The following MECR variants were observed in gnomAD, a reference collection of about 807,000 sequenced individuals.
MECR encodes the protein mitochondrial trans-2-enoyl-CoA reductase.
In MECR, 37 loss-of-function variants were observed where a neutral mutation model predicts 49.1. That is an observed-to-expected ratio of 0.75 (90% CI 0.58 to 0.99). The LOEUF is 0.99. MECR is among the 50% of genes least tolerant of loss of function. The pLI is 0.00. For missense variants in MECR, 470 were observed against 479.6 expected, an observed-to-expected ratio of 0.98 and a Z score of 0.19; for synonymous variants, 198 against 191.1, an observed-to-expected ratio of 1.04 and a Z score of -0.30.
rs747452595 is a variant in MECR at position 29,202,094 on chromosome 1, C to T, written c.654-49G>A. 4 of 1,504,990 alleles carry T rather than the reference C, an allele frequency of 2.7e-6. No homozygotes were observed. The East Asian group carries it at 9.0e-5, about 34-fold the overall frequency. 93.2% of individuals were successfully genotyped at this position (1,504,990 alleles called of 1,614,324 possible). ...GGTCACATCTGCCAGCTTTTTCCAC[C>T]AAAGCCCCCCAGGACCTCTCTGCCA... On this transcript the variant is annotated intron_variant, in intron 5 of 9. Transcript: ENST00000263702.
At chr1:29,215,825 C>T (rs1482954550) in intron 3 of MECR, among the ~76,000 whole-genome samples, 180 bp downstream of exon 3, 5 of 152,060 alleles carry the variant, frequency 3.3e-5, no homozygotes, top group African/African-American at 4.8e-5. Flanking sequence ...GAGCTGAGAT[C>T]GCGCCATTGC....
intron 4 of MECR, among the ~76,000 whole-genome samples, chr1:29,205,432 C>G (rs1676337966): frequency 6.6e-6 from 1 of 151,730 alleles, no homozygotes; most frequent in Admixed American, 6.6e-5. Flanking sequence ...GATCTGCCAG[C>G]TTCAGCCTCC....
intron 1 of MECR, among the ~76,000 whole-genome samples, chr1:29,228,337 T>C (rs1447403300): frequency 5.4e-5 from 8 of 148,836 alleles, no homozygotes; most frequent in Admixed American, 4.8e-4. Context: ...TTGAATATAA[T>C]GCTTTGTGGA....
intron 3 of MECR, among the ~76,000 whole-genome samples, chr1:29,211,175 C>T (rs1344536785): frequency 3.3e-5 from 5 of 151,088 alleles, no homozygotes; most frequent in African/African-American, 7.3e-5. Context: ...TTCCTGGTCT[C>T]GAGCTATCCT....
the MECR span, among the ~76,000 whole-genome samples, chr1:29,180,283 T>G: frequency 6.6e-6 from 1 of 152,162 alleles, no homozygotes; most frequent in Non-Finnish European, 1.5e-5. Flanking sequence ...ACATATATGG[T>G]ATGTATACAA....
the MECR span, chr1:29,170,114 ATC>A: frequency 6.6e-6 from 1 of 152,220 alleles, no homozygotes; most frequent in Non-Finnish European, 1.5e-5. Flanking sequence ...AGATACAATC[ATC>A]TGTGTCCATT....
At chr1:29,215,646 G>A (rs571639534) in intron 3 of MECR, among the ~76,000 whole-genome samples, 4 of 152,002 alleles carry the variant, frequency 2.6e-5, no homozygotes, top group South Asian at 4.2e-4. Flanking sequence ...CGAGGCAGGC[G>A]GATCCCTGAG....
At position 29,195,816 on chromosome 1, in the gene MECR, T is replaced by C. The variant is rs1456118578; in HGVS notation, c.964+125A>G. Reference sequence around the variant, plus strand: ...CTGTAGCTGGACTAAGGCTATTCTCTTTGATCCTTCTGTGGGGCTGGGGAC... The same window carrying C: ...CTGTAGCTGGACTAAGGCTATTCTCCTTGATCCTTCTGTGGGGCTGGGGAC... On this transcript the variant is annotated intron_variant, in intron 9 of 9. Coordinates refer to ENST00000263702, the MANE Select transcript of MECR (RefSeq NM_016011.5). 3 of 960,476 alleles carry C rather than the reference T, an allele frequency of 3.1e-6. No homozygotes were observed. The East Asian group carries it at 7.3e-5, about 23-fold the overall frequency. The allele number at this position is 960,476 out of a possible 1,614,324, so 59.5% of individuals were successfully genotyped here. A position where few individuals can be genotyped will look rare whatever the true frequency, so the allele number is the denominator to read the frequency against.
chr1:29,181,854 G>A, the MECR span: 75 of 983,928 alleles, frequency 7.6e-5, no homozygotes, highest in East Asian at 1.8e-3. Flanking sequence ...CAACGGGCGG[G>A]CGGCGGGACG....
chr1:29,218,796 G>T (rs917347769), intron 1 of MECR, among the ~76,000 whole-genome samples: 7 of 152,182 alleles, frequency 4.6e-5, no homozygotes, highest in African/African-American at 1.7e-4. Flanking sequence ...CACATAGCTG[G>T]AGGACGGGGA....
intron 2 of MECR, 108 bp downstream of exon 2, chr1:29,216,480 G>A (rs1163451073): frequency 5.3e-6 from 6 of 1,139,996 alleles, no homozygotes; most frequent in Non-Finnish European, 7.8e-6. Context: ...CTGGAGAACA[G>A]CTGCTGCTAA....
At chr1:29,202,314 G>A (rs192831611) in intron 5 of MECR, among the ~76,000 whole-genome samples, 49 of 152,278 alleles carry the variant, frequency 3.2e-4, no homozygotes, top group Non-Finnish European at 4.1e-4. Flanking sequence ...TGTGCCCAGG[G>A]AGAAGTCACT....
the MECR span, among the ~76,000 whole-genome samples, chr1:29,179,992 T>C: frequency 6.6e-6 from 1 of 152,362 alleles, no homozygotes; most frequent in African/African-American, 2.4e-5. Context: ...AAACACGCTT[T>C]ATGTTATCAA....
chr1:29,207,220 C>T (rs1019904527), intron 3 of MECR, among the ~76,000 whole-genome samples: 9 of 151,934 alleles, frequency 5.9e-5, no homozygotes, highest in African/African-American at 1.5e-4. Context: ...CTCCTGGGTT[C>T]GTGATTCTTA....
chr1:29,194,304 G>A, intron 9 of MECR, 125 bp from the exon 10 acceptor site: 1 of 1,109,140 alleles, frequency 9.0e-7, no homozygotes, highest in Non-Finnish European at 1.3e-6. Flanking sequence ...AGTCCTGGCT[G>A]TGCCAAGGAT....
At chr1:29,184,156 G>A in the MECR span, among the ~76,000 whole-genome samples, 3 of 148,390 alleles carry the variant, frequency 2.0e-5, no homozygotes, top group Admixed American at 6.8e-5. Context: ...GGGACTACAG[G>A]CGTGAGCCAC....
At chr1:29,210,671 C>G (rs948468978) in intron 3 of MECR, among the ~76,000 whole-genome samples, 1 of 152,142 alleles carries the variant, frequency 6.6e-6, no homozygotes. Flanking sequence ...CACCCGTGGT[C>G]AGAGACAAGG....
intron 1 of MECR, among the ~76,000 whole-genome samples, chr1:29,221,791 TC>T (rs1680842727): frequency 6.6e-6 from 1 of 151,556 alleles, no homozygotes; most frequent in Non-Finnish European, 1.5e-5. Flanking sequence ...TCTAGGAGAG[TC>T]GAAAAACTTA....
At chr1:29,205,543 C>G (rs1336507436) in intron 4 of MECR, among the ~76,000 whole-genome samples, 2 of 151,628 alleles carry the variant, frequency 1.3e-5, no homozygotes, top group Non-Finnish European at 2.9e-5. Context: ...CAAGACTGAG[C>G]AGGCCGGCTG....
Sources: allele counts gnomAD v4.1 joint callset (sites outside exome capture counted in the v4.1 genomes callset), GRCh38; gene constraint gnomAD v4.1.1; transcripts MANE v1.5; gene names NCBI Gene and HGNC (gene_info 2026-07-23, HGNC 2026-07-21).